FAF1: variants seen among roughly 807,000 people sequenced by gnomAD.
The protein encoded by FAF1 is Fas associated factor 1.
Under a neutral mutation model 92.5 loss-of-function variants are expected in FAF1, and 25 were observed. The ratio of observed to expected loss-of-function variants is 0.27; its 90% CI spans 0.20 to 0.38. The LOEUF is 0.38. FAF1 is among the 10% of genes least tolerant of loss of function. The pLI, the probability that FAF1 is intolerant of heterozygous loss-of-function variation, is 1.00. For missense variants in FAF1, 636 were observed against 793.3 expected (o/e 0.80, Z 2.38); for synonymous variants, 234 against 273.2 (o/e 0.86, Z 1.42).
At chr1:50,950,286 C>T (rs1645204342) in intron 1 of FAF1, among the ~76,000 whole-genome samples, 1 of 152,206 alleles carries the variant, frequency 6.6e-6, no homozygotes, top group South Asian at 2.1e-4. Context: ...AACAACTGCC[C>T]CTTATGGAGG....
At chr1:50,939,548 G>A (rs1645113193) in intron 1 of FAF1, among the ~76,000 whole-genome samples, 1 of 152,140 alleles carries the variant, frequency 6.6e-6, no homozygotes, top group African/African-American at 2.4e-5. Flanking sequence ...TATGTACTAT[G>A]ACCAGTACTA....
At chr1:50,474,919 T>C (rs1277315747) in intron 18 of FAF1, among the ~76,000 whole-genome samples, 1 of 152,234 alleles carries the variant, frequency 6.6e-6, no homozygotes, top group Middle Eastern at 3.2e-3. Flanking sequence ...AACACATCTA[T>C]ATCTCTCTAC....
At chr1:50,832,014 C>A (rs1393932339) in intron 2 of FAF1, among the ~76,000 whole-genome samples, 1 of 151,784 alleles carries the variant, frequency 6.6e-6, no homozygotes, top group African/African-American at 2.4e-5. Flanking sequence ...AATCTAATGC[C>A]TGATGATCTG....
intron 7 of FAF1, among the ~76,000 whole-genome samples, chr1:50,671,848 C>G (rs959988935): frequency 1.3e-5 from 2 of 151,378 alleles, no homozygotes; most frequent in Non-Finnish European, 2.9e-5. Flanking sequence ...GGCTGTGTCA[C>G]CCAGACTGGA....
In FAF1 at chr1:50,721,579, ATT is replaced by A. The variant is rs1658414514; in HGVS notation, c.552-15690_552-15689del. On this transcript the variant is annotated intron_variant, in intron 6 of 18. Coordinates refer to ENST00000396153, the MANE Select transcript of FAF1 (RefSeq NM_007051.3). ...CATATATAAAGTTTTCAAAAAACTTATTTACAGGCCACTTTAAGGTCTCATTT... is the reference window on the plus strand; with the variant it reads ...CATATATAAAGTTTTCAAAAAACTTATACAGGCCACTTTAAGGTCTCATTT... 3.3e-5 allele frequency among the ~76,000 whole-genome samples: 5 copies of A among 152,224 alleles called. No homozygotes were observed. In the South Asian group the frequency reaches 1.0e-3, roughly 32 times the overall value.
chr1:50,893,453 G>A (rs531226148), intron 1 of FAF1, among the ~76,000 whole-genome samples: 1 of 152,288 alleles, frequency 6.6e-6, no homozygotes, highest in Admixed American at 6.5e-5. Flanking sequence ...TGCCTTGATG[G>A]TCTTGGATAA....
intron 15 of FAF1, among the ~76,000 whole-genome samples, chr1:50,521,301 A>G (rs1213825354): frequency 1.3e-5 from 2 of 152,224 alleles, no homozygotes; most frequent in Admixed American, 6.5e-5. Context: ...TCTCGCAAAC[A>G]TGGCCATATA....
chr1:50,466,828 C>G (rs1228547300), intron 18 of FAF1, among the ~76,000 whole-genome samples: 1 of 152,174 alleles, frequency 6.6e-6, no homozygotes, highest in Non-Finnish European at 1.5e-5. Context: ...TTCAGCCAGT[C>G]TGGTCTACAC....
chr1:50,728,850 T>C (rs1658776810), intron 6 of FAF1, among the ~76,000 whole-genome samples: 1 of 150,064 alleles, frequency 6.7e-6, no homozygotes. Context: ...AGGGTAGCTA[T>C]AATCAAGCTG....
intron 4 of FAF1, among the ~76,000 whole-genome samples, chr1:50,748,512 GAAAAA>G (rs1659721432): frequency 6.7e-6 from 1 of 148,254 alleles, no homozygotes; most frequent in African/African-American, 2.5e-5. Context: ...AAAAAGAAAA[GAAAAA>G]AAGAAAAATG....
rs576018112 is a variant in FAF1, at chr1:50,637,383, G to A, written c.744+18059C>T. 3.1e-4 allele frequency among the ~76,000 whole-genome samples: 47 copies of A among 151,542 alleles called. No homozygotes were observed. In the South Asian group the frequency reaches 9.8e-3, roughly 32 times the overall value. On this transcript the variant is annotated intron_variant, in intron 8 of 18. Coordinates refer to ENST00000396153, the MANE Select transcript of FAF1 (RefSeq NM_007051.3). Reference sequence around the variant, plus strand: ...CAGGAGAATCGCTTGAACTTGGGAGGTGGAAGTTGCAGTGAGCCAAGATCG... The same window carrying A: ...CAGGAGAATCGCTTGAACTTGGGAGATGGAAGTTGCAGTGAGCCAAGATCG...
At chr1:50,696,779 C>T (rs1332149497) in intron 7 of FAF1, among the ~76,000 whole-genome samples, 2 of 152,158 alleles carry the variant, frequency 1.3e-5, no homozygotes, top group African/African-American at 2.4e-5. Flanking sequence ...TTCCTTCATT[C>T]TTTTCCATCA....
chr1:50,480,579 T>C (rs949211024), intron 17 of FAF1, among the ~76,000 whole-genome samples: 12 of 152,134 alleles, frequency 7.9e-5, no homozygotes, highest in Non-Finnish European at 1.8e-4. Flanking sequence ...TCTGCCTAAA[T>C]GGAGCCTACA....
chr1:50,524,643 T>C (rs1400883433), intron 15 of FAF1, among the ~76,000 whole-genome samples: 1 of 152,144 alleles, frequency 6.6e-6, no homozygotes, highest in Non-Finnish European at 1.5e-5. Flanking sequence ...GAATAGGGAG[T>C]CCTTAACCCA....
intron 15 of FAF1, among the ~76,000 whole-genome samples, chr1:50,503,005 A>G (rs959632974): frequency 3.3e-5 from 5 of 151,832 alleles, no homozygotes; most frequent in African/African-American, 7.3e-5. Flanking sequence ...TCTAATTATT[A>G]TATTAAAAAT....
intron 4 of FAF1, among the ~76,000 whole-genome samples, chr1:50,747,882 T>C (rs941042181): frequency 6.6e-6 from 1 of 152,152 alleles, no homozygotes; most frequent in Non-Finnish European, 1.5e-5. Context: ...CCTCTCTCTC[T>C]TCCTCCTGCG....
intron 1 of FAF1, among the ~76,000 whole-genome samples, chr1:50,949,573 C>A (rs921941361): frequency 3.3e-5 from 5 of 152,184 alleles, no homozygotes; most frequent in African/African-American, 1.2e-4. Context: ...ATATTTTAGG[C>A]TTTGCAGGAC....
chr1:50,554,390 T>TATATATATATATATATATATATAGAGAG, intron 13 of FAF1, among the ~76,000 whole-genome samples: 1 of 93,706 alleles, frequency 1.1e-5, no homozygotes, highest in Non-Finnish European at 2.0e-5. Context: ...TATATATATA[T>TATATATATATATATATATATATAGAGAG]AGAGAGAGAG....
At chr1:50,601,747 C>A (rs553152558) in intron 8 of FAF1, among the ~76,000 whole-genome samples, 3 of 151,012 alleles carry the variant, frequency 2.0e-5, no homozygotes, top group Admixed American at 6.6e-5. Flanking sequence ...CACATATATT[C>A]ATATATACAC....
Sources: gnomAD v4.1 joint callset for allele counts (sites outside exome capture counted in the v4.1 genomes callset) on GRCh38, gnomAD v4.1.1 for gene constraint, MANE v1.5 for transcripts, NCBI Gene and HGNC (gene_info 2026-07-23, HGNC 2026-07-21) for gene names.